EIPR1: variants seen among roughly 807,000 people sequenced by gnomAD.
EIPR1 encodes EARP and GARP complex-interacting protein 1.
Under a neutral mutation model 48.1 loss-of-function variants are expected in EIPR1, and 25 were observed. The observed-to-expected ratio is 0.52, with a 90% CI of 0.38 to 0.73. The LOEUF is 0.73. Ranked by LOEUF, EIPR1 falls within the 30% of genes least tolerant of loss-of-function variation. The pLI, the probability that EIPR1 is intolerant of heterozygous loss-of-function variation, is 0.00. For missense variants in EIPR1, 415 were observed against 506.2 expected (o/e 0.82, Z 1.73); for synonymous variants, 204 against 201.9 (o/e 1.01, Z -0.09).
intron 3 of EIPR1, among the ~76,000 whole-genome samples, chr2:3,259,287 T>TC (rs34343370): frequency 0.45 from 67,837 of 151,730 alleles, 16,346 homozygotes; most frequent in Middle Eastern, 0.59. Flanking sequence ...TGGCAGACAC[T>TC]CCCCCCCACA....
intron 3 of EIPR1, among the ~76,000 whole-genome samples, chr2:3,279,409 G>C (rs771962659): frequency 6.6e-6 from 1 of 152,192 alleles, no homozygotes; most frequent in African/African-American, 2.4e-5. Flanking sequence ...GCGAGGTAGC[G>C]TAGGATACAG....
intron 4 of EIPR1, among the ~76,000 whole-genome samples, chr2:3,256,977 C>T (rs2103219093): frequency 6.6e-6 from 1 of 152,342 alleles, no homozygotes; most frequent in Non-Finnish European, 1.5e-5. Flanking sequence ...TAAGTGCATG[C>T]TGACCAAGCT....
chr2:3,328,856 C>T (rs112304339), intron 3 of EIPR1, among the ~76,000 whole-genome samples: 1,703 of 134,972 alleles, frequency 0.013, 7 homozygotes, highest in South Asian at 0.021. Flanking sequence ...GCTGGGCTCC[C>T]CTGAATCAGA....
chr2:3,263,383 G>C (rs1297148176), intron 3 of EIPR1, among the ~76,000 whole-genome samples: 4 of 152,162 alleles, frequency 2.6e-5, no homozygotes, highest in African/African-American at 4.8e-5. Context: ...TCCATCCTGA[G>C]AACAGGAAGA....
chr2:3,241,005 C>T (rs931953982), intron 4 of EIPR1, among the ~76,000 whole-genome samples: 1 of 137,486 alleles, frequency 7.3e-6, no homozygotes, highest in African/African-American at 2.6e-5. Flanking sequence ...GCAAAGCCAG[C>T]AGATCCCTCC....
rs142201647 is a variant in EIPR1, at chr2:3,336,884, AAAGGG to A, written c.259+1128_259+1132del. ...GGAAGGGAAAAGGGAAGGGAAGGGAAAAGGGAAGGGAAGGGAAAAGGGAAGGGAAG... is the reference window on the plus strand; with the variant it reads ...GGAAGGGAAAAGGGAAGGGAAGGGAAAAGGGAAGGGAAAAGGGAAGGGAAG... On this transcript the variant is annotated intron_variant, in intron 3 of 8. Coordinates refer to ENST00000382125, the MANE Select transcript of EIPR1 (RefSeq NM_003310.5). Among the ~76,000 whole-genome samples the A allele has an allele frequency of 8.6e-3, 901 of 104,564 alleles. 26 individuals are homozygous for A. The highest frequency in any genetic ancestry group is 0.012 in the Non-Finnish European group (614 of 49,792). The allele number at this position is 104,564 out of a possible 152,430, so 68.6% of individuals were successfully genotyped here.
chr2:3,249,155 T>G (rs543767994), intron 4 of EIPR1, among the ~76,000 whole-genome samples: 1 of 152,246 alleles, frequency 6.6e-6, no homozygotes, highest in Non-Finnish European at 1.5e-5. Flanking sequence ...GAAAGCAAGA[T>G]GAGAAAAAGT....
At chr2:3,267,286 G>A (rs1667520265) in intron 3 of EIPR1, among the ~76,000 whole-genome samples, 1 of 152,228 alleles carries the variant, frequency 6.6e-6, no homozygotes, top group Admixed American at 6.5e-5. Context: ...GGGATGCCCC[G>A]GGACATTCCC....
intron 2 of EIPR1, among the ~76,000 whole-genome samples, chr2:3,345,284 TA>T (rs1025354450): frequency 2.4e-4 from 36 of 149,960 alleles, no homozygotes; most frequent in East Asian, 9.8e-4. Flanking sequence ...TAGAACTCTA[TA>T]AAAAAAAAAT....
chr2:3,261,991 C>T (rs2103227305), intron 3 of EIPR1: 1 of 152,290 alleles, frequency 6.6e-6, no homozygotes, highest in East Asian at 1.9e-4. Flanking sequence ...GCTAATGGGC[C>T]CTGGAGAATG....
intron 3 of EIPR1, among the ~76,000 whole-genome samples, chr2:3,304,476 CCAGTTCAGCCCTCCAGTCCCAT>C (rs1189662766): frequency 6.9e-5 from 5 of 72,286 alleles, no homozygotes; most frequent in Admixed American, 3.2e-4. Context: ...CCACTCCCGT[CCAGTTCAGCCCTCCAGTCCCAT>C]CAGTTCAGCC....
At chr2:3,232,153 T>C (rs540872288) in intron 4 of EIPR1, among the ~76,000 whole-genome samples, 4 of 152,234 alleles carry the variant, frequency 2.6e-5, no homozygotes, top group Non-Finnish European at 5.9e-5. Context: ...TGTATTTCTG[T>C]GGAACCATTT....
intron 3 of EIPR1, among the ~76,000 whole-genome samples, chr2:3,287,280 TCCAGAAAGCTCGTTCAC>T (rs1668219982): frequency 7.4e-6 from 1 of 135,350 alleles, no homozygotes; most frequent in African/African-American, 2.7e-5. Flanking sequence ...TTCACCACAC[TCCAGAAAGCTCGTTCAC>T]CACACTCCAG....
chr2:3,316,850 C>A (rs1206502809), intron 3 of EIPR1, among the ~76,000 whole-genome samples: 2 of 152,256 alleles, frequency 1.3e-5, no homozygotes, highest in Non-Finnish European at 2.9e-5. Context: ...ATAGTCTAGA[C>A]ACAGTCCCAA....
chr2:3,303,843 C>A (rs1055959804), intron 3 of EIPR1, among the ~76,000 whole-genome samples: 1 of 152,150 alleles, frequency 6.6e-6, no homozygotes, highest in African/African-American at 2.4e-5. Context: ...TCACAGCAGG[C>A]TGACCAGCCA....
chr2:3,333,792 A>G (rs1276024321), intron 3 of EIPR1, among the ~76,000 whole-genome samples: 5 of 151,820 alleles, frequency 3.3e-5, no homozygotes, highest in African/African-American at 1.2e-4. Context: ...ATTTTAGGAC[A>G]TCTGTGAAGA....
intron 1 of EIPR1, among the ~76,000 whole-genome samples, chr2:3,374,575 G>C (rs911840900): frequency 6.6e-6 from 1 of 152,230 alleles, no homozygotes; most frequent in Non-Finnish European, 1.5e-5. Flanking sequence ...CAAAGGATAT[G>C]AGCAGACACT....
intron 5 of EIPR1, among the ~76,000 whole-genome samples, chr2:3,213,287 G>A (rs548960673): frequency 6.6e-6 from 1 of 151,996 alleles, no homozygotes; most frequent in Non-Finnish European, 1.5e-5. Flanking sequence ...ATAAACAAAC[G>A]CAATGAAATT....
chr2:3,377,793 C>T lies in EIPR1; in HGVS notation c.-104G>A. On this transcript the variant is annotated 5_prime_UTR_variant, in exon 1 of 9. Transcript: ENST00000382125. ...CGTGTTCCCAGCGCCCATTCATTCC[C>T]TCCCCGCAGCAAACGACTCCAAACT... 7.3e-7 allele frequency: 1 copy of T among 1,365,836 alleles called. No homozygotes were observed. Among genetic ancestry groups the T allele is most frequent in the East Asian group, 2.6e-5 (1 of 39,178 alleles). 84.6% of individuals were successfully genotyped at this position (1,365,836 alleles called of 1,614,324 possible). A position where few individuals can be genotyped will look rare whatever the true frequency, so the allele number is the denominator to read the frequency against.
Sources: allele counts gnomAD v4.1 joint callset (sites outside exome capture counted in the v4.1 genomes callset), GRCh38; gene constraint gnomAD v4.1.1; transcripts MANE v1.5; gene names NCBI Gene and HGNC (gene_info 2026-07-23, HGNC 2026-07-21).